Variants in STAMBPL1 observed in about 807,000 individuals in gnomAD.
STAMBPL1 encodes STAM binding protein like 1, also known as AMSH-like protease.
STAMBPL1 carries 44 observed loss-of-function variants against 52.9 expected under a neutral mutation model. The ratio of observed to expected loss-of-function variants is 0.83; its 90% confidence interval spans 0.65 to 1.07. The LOEUF is 1.07. Among genes scored for constraint, STAMBPL1 ranks in the 50% least tolerant of loss-of-function variants. The pLI, the probability that STAMBPL1 is intolerant of heterozygous loss-of-function variation, is 0.00. For missense variants in STAMBPL1, 511 were observed against 520.8 expected, an observed-to-expected ratio of 0.98 and a Z score of 0.18; for synonymous variants, 164 against 177.3, an observed-to-expected ratio of 0.92 and a Z score of 0.60.
chr10:88,897,304 G>A (rs1283542639), intron 1 of STAMBPL1, among the ~76,000 whole-genome samples: 1 of 152,124 alleles, frequency 6.6e-6, no homozygotes, highest in Non-Finnish European at 1.5e-5. Context: ...TTGTGAATAT[G>A]TATGGTTCTG....
intron 7 of STAMBPL1, 72 bp from the exon 8 acceptor site, chr10:88,916,608 T>A: frequency 7.0e-7 from 1 of 1,426,758 alleles, no homozygotes; most frequent in Non-Finnish European, 9.3e-7. Context: ...GTCTTAAACA[T>A]TTCATTTCCT....
chr10:88,890,968 C>G (rs1315671066), intron 1 of STAMBPL1, among the ~76,000 whole-genome samples: 1 of 152,142 alleles, frequency 6.6e-6, no homozygotes, highest in Non-Finnish European at 1.5e-5. Flanking sequence ...TAAATATGTA[C>G]TAAGTGCCTC....
intron 6 of STAMBPL1, among the ~76,000 whole-genome samples, 190 bp downstream of exon 6, chr10:88,913,648 G>A (rs926016250): frequency 4.6e-5 from 7 of 152,114 alleles, no homozygotes; most frequent in Non-Finnish European, 1.0e-4. Context: ...TAAAATTCAG[G>A]AAATATGATG....
chr10:88,905,611 G>C lies in STAMBPL1; in HGVS notation c.199G>C (p.Glu67Gln). 1.2e-6 allele frequency: 2 copies of C among 1,614,100 alleles called. No individual in the cohort carries two copies. Among genetic ancestry groups the C allele is most frequent in the Non-Finnish European group, 1.7e-6 (2 of 1,179,992 alleles). The part of the protein sequence containing the change: ...EMERMASVYL[E>Q]EGNLENAFVL... ...GGAGAGGATGGCGTCTGTGTATTTGGAAGAAGGAAATTTGGAAAATGCCTT... is the reference window on the plus strand; with the variant it reads ...GGAGAGGATGGCGTCTGTGTATTTGCAAGAAGGAAATTTGGAAAATGCCTT... The change falls in exon 3 of 11, where the codon GAA becomes CAA. Residue 67 changes from glutamate (E) to glutamine (Q), a missense_variant. Glu to Gln is a conservative substitution (Grantham distance 29). Coordinates refer to ENST00000371926, the MANE Select transcript of STAMBPL1 (RefSeq NM_020799.4).
At chr10:88,889,539 A>G (rs1013484073) in intron 1 of STAMBPL1, among the ~76,000 whole-genome samples, 1 of 152,198 alleles carries the variant, frequency 6.6e-6, no homozygotes, top group African/African-American at 2.4e-5. Context: ...CAGATAATAA[A>G]TATTATAGCT....
In STAMBPL1 at chr10:88,905,531, T is replaced by C. The variant is rs761295233; in HGVS notation, c.119T>C (p.Ile40Thr). 1 of 1,613,982 alleles carries C rather than the reference T, an allele frequency of 6.2e-7. No individual in the cohort carries two copies. The highest frequency in any genetic ancestry group is 1.1e-5 in the South Asian group (1 of 91,090). Residue 40 changes from isoleucine (I) to threonine (T), a missense_variant, in exon 3 of 11, where the codon ATC becomes ACC. Ile to Thr is a moderately conservative substitution (Grantham distance 89). Transcript: ENST00000371926. ...GCCCTAAGCAAGCTTGGTTGTAATATCACCATCAGTGAAGACATCACTCCA... is the reference window on the plus strand; with the variant it reads ...GCCCTAAGCAAGCTTGGTTGTAATACCACCATCAGTGAAGACATCACTCCA... ...VRALSKLGCNITISEDITPRR... is the reference protein window; with the variant it reads ...VRALSKLGCNTTISEDITPRR...
intron 2 of STAMBPL1, among the ~76,000 whole-genome samples, chr10:88,904,334 G>C (rs11202886): frequency 6.6e-6 from 1 of 152,136 alleles, no homozygotes; most frequent in Non-Finnish European, 1.5e-5. Flanking sequence ...CCTGACTATA[G>C]GTCTGAGGTG....
At chr10:88,902,571 T>C (rs1309964791) in intron 2 of STAMBPL1, among the ~76,000 whole-genome samples, 1 of 149,334 alleles carries the variant, frequency 6.7e-6, no homozygotes, top group Non-Finnish European at 1.5e-5. Flanking sequence ...GACCTAATGT[T>C]TTTTCTTTTT....
Position 88,896,201 on chromosome 10 carries a change from T to A in STAMBPL1, c.-53-5455T>A, listed in dbSNP as rs1191136888. Among the ~76,000 whole-genome samples, 5 of 152,372 alleles carry A rather than the reference T, an allele frequency of 3.3e-5. No individual in the cohort carries two copies. The East Asian group carries it at 9.6e-4, about 29-fold the overall frequency. On this transcript the variant is annotated intron_variant, in intron 1 of 10. Coordinates refer to ENST00000371926, the MANE Select transcript of STAMBPL1 (RefSeq NM_020799.4). Reference sequence around the variant, plus strand: ...ATTTATCATCTATGTCACAGCATATTTCTGATTGCAGATATTATAGAAGAT... The same window carrying A: ...ATTTATCATCTATGTCACAGCATATATCTGATTGCAGATATTATAGAAGAT...
chr10:88,907,045 T>C (rs1589368550), intron 3 of STAMBPL1, among the ~76,000 whole-genome samples: 1 of 152,158 alleles, frequency 6.6e-6, no homozygotes, highest in Non-Finnish European at 1.5e-5. Context: ...GGAACTCTGA[T>C]AGCTACCAGA....
rs371368203 is a variant in STAMBPL1, at chr10:88,920,017, T to C, written c.1042-1266T>C. Among the ~76,000 whole-genome samples, 79 of 152,224 alleles carry C rather than the reference T, an allele frequency of 5.2e-4. 1 individual carries two copies. Among genetic ancestry groups the C allele is most frequent in the African/African-American group, 1.5e-3 (64 of 41,556 alleles). Reference sequence around the variant, plus strand: ...ATGCCTAGCTAATTAAAAAAACTTTTTTTTTGTTTGTTTTGGAGAGATGGA... The same window carrying C: ...ATGCCTAGCTAATTAAAAAAACTTTCTTTTTGTTTGTTTTGGAGAGATGGA... On this transcript the variant is annotated intron_variant, in intron 8 of 10. Coordinates refer to ENST00000371926, the MANE Select transcript of STAMBPL1 (RefSeq NM_020799.4).
rs955094934 is a variant in STAMBPL1, at chr10:88,909,866, G to A, written c.325-1050G>A. On this transcript the variant is annotated intron_variant, in intron 4 of 10. Transcript: ENST00000371926. ...TCCACCTGCCTCTGCCTCCCAAAGT[G>A]TTAGGATTACAGGTGTGAGCCACCG... 3.9e-5 allele frequency among the ~76,000 whole-genome samples: 6 copies of A among 152,134 alleles called. No individual in the cohort carries two copies. The East Asian group carries it at 1.2e-3, about 29-fold the overall frequency.
intron 6 of STAMBPL1, among the ~76,000 whole-genome samples, chr10:88,913,742 T>C (rs1318022955): frequency 6.6e-6 from 1 of 152,156 alleles, no homozygotes; most frequent in African/African-American, 2.4e-5. Context: ...TTTCAAGTAC[T>C]TTTGTCTTCT....
rs774620760 is a variant in STAMBPL1, at chr10:88,908,751, G to T, written c.298G>T (p.Val100Leu). Residue 100 changes from valine (V) to leucine (L), a missense_variant, in exon 4 of 11, where the codon GTA becomes TTA. Val to Leu is a conservative substitution (Grantham distance 32). Around this residue, in one of 3 missense-constraint regions of STAMBPL1, gnomAD observed 358 missense variants for 343.5 expected, o/e 1.04. Transcript: ENST00000371926. ...PNHRDYQQCA[V>L]PEKQDIMKKL... ...CCATCGAGATTACCAGCAATGTGCAGTACCTGAAAAGCAGGATATTATGAA... is the reference window on the plus strand; with the variant it reads ...CCATCGAGATTACCAGCAATGTGCATTACCTGAAAAGCAGGATATTATGAA... The T allele has an allele frequency of 2.0e-5, 32 of 1,608,540 alleles. No homozygotes were observed. Among genetic ancestry groups the T allele is most frequent in the South Asian group, 3.3e-5 (3 of 90,112 alleles).
chr10:88,904,632 A>G (rs1009955250), intron 2 of STAMBPL1, among the ~76,000 whole-genome samples: 1 of 148,678 alleles, frequency 6.7e-6, no homozygotes. Context: ...CACTTAACAG[A>G]GAAAATTTCC....
At chr10:88,920,828 A>G (rs1194602432) in intron 8 of STAMBPL1, among the ~76,000 whole-genome samples, 2 of 152,284 alleles carry the variant, frequency 1.3e-5, no homozygotes, top group Middle Eastern at 3.4e-3. Flanking sequence ...TTTAATGTTC[A>G]TAATGTTGTA....
chr10:88,894,305 T>A (rs1287754410), intron 1 of STAMBPL1, among the ~76,000 whole-genome samples: 4 of 152,144 alleles, frequency 2.6e-5, no homozygotes, highest in African/African-American at 9.7e-5. Flanking sequence ...ATCATGTGTG[T>A]TCATGCATCC....
intron 4 of STAMBPL1, among the ~76,000 whole-genome samples, chr10:88,909,187 C>A (rs1845154379): frequency 6.6e-6 from 1 of 152,112 alleles, no homozygotes; most frequent in African/African-American, 2.4e-5. Context: ...AAAGTTCTAG[C>A]TATTTACATC....
At chr10:88,901,626 C>A in intron 1 of STAMBPL1, 30 bp from the exon 2 acceptor site, 1 of 1,481,142 alleles carries the variant, frequency 6.8e-7, no homozygotes, top group Non-Finnish European at 9.2e-7. Flanking sequence ...CAAAAAATAA[C>A]TTTAGTTCTG....
Sources: gnomAD v4.1 joint callset for allele counts (sites outside exome capture counted in the v4.1 genomes callset) on GRCh38, gnomAD v4.1.1 for gene constraint, gnomAD v4.1.1 regional missense constraint, MANE v1.5 for transcripts, NCBI Gene and HGNC (gene_info 2026-07-23, HGNC 2026-07-21) for gene names.